KIAA1217: variants seen among roughly 807,000 people sequenced by gnomAD.
KIAA1217 encodes the protein KIAA1217.
Under a neutral mutation model 163.9 loss-of-function variants are expected in KIAA1217, and 88 were observed. The observed-to-expected ratio is 0.54, with a 90% CI of 0.45 to 0.64. KIAA1217 has a LOEUF of 0.64. Among genes scored for constraint, KIAA1217 ranks in the 30% least tolerant of loss-of-function variants. The probability of loss-of-function intolerance (pLI) is 0.00; values close to 1 mark genes in which losing one functional copy is unlikely to be tolerated. For missense variants in KIAA1217, 2,372 were observed against 2,475.0 expected, an observed-to-expected ratio of 0.96 and a Z score of 0.88; for synonymous variants, 903 against 923.1, an observed-to-expected ratio of 0.98 and a Z score of 0.39.
chr10:23,871,925 T>A (rs1588987950), intron 1 of KIAA1217, among the ~76,000 whole-genome samples: 1 of 152,136 alleles, frequency 6.6e-6, no homozygotes, highest in Non-Finnish European at 1.5e-5. Flanking sequence ...CAGGGATTAA[T>A]GCCAATGAGT....
intron 2 of KIAA1217, among the ~76,000 whole-genome samples, chr10:24,376,482 G>T (rs1290821669): frequency 6.6e-6 from 1 of 152,154 alleles, no homozygotes; most frequent in African/African-American, 2.4e-5. Context: ...AAAATTTTAG[G>T]CAGGGTGCAG....
chr10:24,223,856 C>A (rs2070051317), intron 2 of KIAA1217, among the ~76,000 whole-genome samples: 1 of 149,624 alleles, frequency 6.7e-6, no homozygotes, highest in Non-Finnish European at 1.5e-5. Context: ...CCCCGCCCAC[C>A]CCCAGATAAC....
intron 1 of KIAA1217, among the ~76,000 whole-genome samples, chr10:23,832,498 T>C (rs1838256630): frequency 6.6e-6 from 1 of 152,202 alleles, no homozygotes; most frequent in Admixed American, 6.6e-5. Context: ...CATTCAATAC[T>C]GTCCTCTCTC....
At chr10:24,290,060 G>A (rs962586044) in intron 2 of KIAA1217, among the ~76,000 whole-genome samples, 4 of 152,118 alleles carry the variant, frequency 2.6e-5, no homozygotes, top group East Asian at 1.9e-4. Flanking sequence ...ATGGCAGTTC[G>A]TGTGCAGAGG....
chr10:24,532,591 G>A (rs888170352), intron 15 of KIAA1217, among the ~76,000 whole-genome samples: 5 of 152,154 alleles, frequency 3.3e-5, no homozygotes, highest in African/African-American at 1.2e-4. Flanking sequence ...GAAGATGAAG[G>A]AAGAGCAAAG....
At chr10:23,919,019 G>C (rs1028866044) in intron 1 of KIAA1217, among the ~76,000 whole-genome samples, 1 of 152,078 alleles carries the variant, frequency 6.6e-6, no homozygotes, top group Non-Finnish European at 1.5e-5. Flanking sequence ...ACAGGCATTG[G>C]TCACAGATAC....
chr10:24,243,464 T>A (rs1228877719), intron 2 of KIAA1217, among the ~76,000 whole-genome samples: 1 of 152,028 alleles, frequency 6.6e-6, no homozygotes, highest in Admixed American at 6.6e-5. Context: ...TTTCCATCTT[T>A]ATGTTCATAT....
rs886201379 is a variant in KIAA1217, at chr10:24,021,581, A to G, written c.-171+14207A>G. ...CAAATCCCTGCAAATTATTTTGTGG[A>G]TATTGACAAACTGATCTAAAGTTTA... On this transcript the variant is annotated intron_variant, in intron 2 of 18. Transcript: ENST00000376462. 1.3e-4 allele frequency among the ~76,000 whole-genome samples: 19 copies of G among 151,948 alleles called. 1 individual carries two copies. The highest frequency in any genetic ancestry group is 4.6e-4 in the African/African-American group (19 of 41,404).
At chr10:24,140,165 C>T (rs2063998066) in intron 2 of KIAA1217, among the ~76,000 whole-genome samples, 1 of 152,086 alleles carries the variant, frequency 6.6e-6, no homozygotes, top group South Asian at 2.1e-4. Flanking sequence ...GGATACCATC[C>T]TGGCTAACAC....
intron 2 of KIAA1217, among the ~76,000 whole-genome samples, chr10:24,284,565 T>C (rs974488722): frequency 3.4e-4 from 52 of 152,328 alleles, no homozygotes; most frequent in Non-Finnish European, 5.6e-4. Flanking sequence ...TTTGGTTTTT[T>C]AAAAATGACT....
intron 1 of KIAA1217, among the ~76,000 whole-genome samples, chr10:23,750,779 T>C (rs1839691550): frequency 6.6e-6 from 1 of 152,172 alleles, no homozygotes; most frequent in African/African-American, 2.4e-5. Flanking sequence ...AGGCTTCTAA[T>C]AGCAGCATCT....
chr10:24,248,397 G>A (rs1432124666), intron 2 of KIAA1217, among the ~76,000 whole-genome samples: 3 of 152,198 alleles, frequency 2.0e-5, no homozygotes, highest in East Asian at 3.9e-4. Flanking sequence ...TAGGCCGGGC[G>A]CAGTGGCTCA....
intron 2 of KIAA1217, among the ~76,000 whole-genome samples, chr10:24,272,566 A>C (rs192712054): frequency 6.6e-6 from 1 of 152,316 alleles, no homozygotes; most frequent in Admixed American, 6.5e-5. Context: ...CTCATTGTCA[A>C]AGCCACATTC....
At chr10:23,974,739 G>A (rs1229985953) in intron 1 of KIAA1217, among the ~76,000 whole-genome samples, 1 of 152,072 alleles carries the variant, frequency 6.6e-6, no homozygotes, top group African/African-American at 2.4e-5. Context: ...ATTGTTTATT[G>A]TCATCATTAT....
At chr10:24,054,424 C>T (rs1174653886) in intron 2 of KIAA1217, among the ~76,000 whole-genome samples, 1 of 152,164 alleles carries the variant, frequency 6.6e-6, no homozygotes, top group African/African-American at 2.4e-5. Flanking sequence ...TGTGGCCCAT[C>T]TCTGAGGAGA....
chr10:23,924,974 C>G (rs773109027), intron 1 of KIAA1217, among the ~76,000 whole-genome samples: 3 of 151,776 alleles, frequency 2.0e-5, no homozygotes, highest in Non-Finnish European at 4.4e-5. Flanking sequence ...ATCCAGTAGC[C>G]AAAATAGCAT....
chr10:24,224,616 G>A (rs1308743233), intron 2 of KIAA1217, among the ~76,000 whole-genome samples: 4 of 151,914 alleles, frequency 2.6e-5, no homozygotes, highest in African/African-American at 7.3e-5. Context: ...CACTGCACCC[G>A]ACCTTAATGG....
chr10:24,439,921 G>T (rs909927570), intron 5 of KIAA1217, among the ~76,000 whole-genome samples: 2 of 152,184 alleles, frequency 1.3e-5, no homozygotes, highest in Non-Finnish European at 2.9e-5. Context: ...AGGTTGAGGG[G>T]ACTAGGATGC....
At chr10:24,228,408 C>T (rs568954549) in intron 2 of KIAA1217, among the ~76,000 whole-genome samples, 12 of 151,920 alleles carry the variant, frequency 7.9e-5, no homozygotes, top group African/African-American at 2.7e-4. Flanking sequence ...TTGCACCAAC[C>T]TAATAGGTTA....
Sources: gnomAD v4.1 joint callset for allele counts (sites outside exome capture counted in the v4.1 genomes callset) on GRCh38, gnomAD v4.1.1 for gene constraint, MANE v1.5 for transcripts, NCBI Gene and HGNC (gene_info 2026-07-23, HGNC 2026-07-21) for gene names.